TAF4: variants seen among roughly 807,000 people sequenced by gnomAD.
TAF4 encodes the protein transcription initiation factor TFIID subunit 4.
Under a neutral mutation model 90.3 loss-of-function variants are expected in TAF4, and 9 were observed. The ratio of observed to expected loss-of-function variants is 0.10; its 90% CI spans 0.06 to 0.17. The LOEUF (loss-of-function observed/expected upper bound fraction) is 0.17. Among genes scored for constraint, TAF4 ranks in the 10% least tolerant of loss-of-function variants. The pLI is 1.00. For synonymous variants in TAF4, 818 were observed against 638.9 expected (o/e 1.28, Z -4.23); for missense variants, 1,351 against 1,370.7 (o/e 0.99, Z 0.23).
In TAF4 at chr20:62,064,184, C is replaced by A. The variant is rs561733246; in HGVS notation, c.1360+267G>T. On this transcript the variant is annotated intron_variant, in intron 1 of 14. Coordinates refer to ENST00000252996, the MANE Select transcript of TAF4 (RefSeq NM_003185.4). ...ACTAAGAGTCCTGGCTGAGCCACTC[C>A]GAAACAGACCAGCCCCAGGCACAGG... 6.8e-5 allele frequency: 26 copies of A among 381,678 alleles called. No individual in the cohort carries two copies. In the South Asian group the frequency reaches 1.8e-3, roughly 26 times the overall value. 23.6% of individuals were successfully genotyped at this position (381,678 alleles called of 1,614,324 possible). A position where few individuals can be genotyped will look rare whatever the true frequency, so the allele number is the denominator to read the frequency against.
At position 62,059,450 on chromosome 20, in the gene TAF4, T is replaced by C. The variant is rs182309165; in HGVS notation, c.1360+5001A>G. 1.4e-4 allele frequency among the ~76,000 whole-genome samples: 21 copies of C among 152,360 alleles called. No homozygotes were observed. The East Asian group carries it at 2.3e-3, about 17-fold the overall frequency. Reference sequence around the variant, plus strand: ...GAACATAACTTGACAGCACTTATTCTACTTCATTATTCCACGCAAGAATTG... The same window carrying C: ...GAACATAACTTGACAGCACTTATTCCACTTCATTATTCCACGCAAGAATTG... On this transcript the variant is annotated intron_variant, in intron 1 of 14. Coordinates refer to ENST00000252996, the MANE Select transcript of TAF4 (RefSeq NM_003185.4).
At chr20:62,059,364 CAA>C (rs1237087782) in intron 1 of TAF4, among the ~76,000 whole-genome samples, 1 of 152,218 alleles carries the variant, frequency 6.6e-6, no homozygotes, top group African/African-American at 2.4e-5. Context: ...ATGTAAAAAT[CAA>C]AAGTTTTCAC....
intron 1 of TAF4, among the ~76,000 whole-genome samples, chr20:62,028,006 T>G (rs2055883967): frequency 6.6e-6 from 1 of 152,200 alleles, no homozygotes; most frequent in African/African-American, 2.4e-5. Flanking sequence ...TTTTCCAGGT[T>G]GTAAAAGCAG....
At chr20:61,991,659 T>C (rs926314022) in intron 14 of TAF4, among the ~76,000 whole-genome samples, 1 of 151,042 alleles carries the variant, frequency 6.6e-6, no homozygotes, top group African/African-American at 2.4e-5. Flanking sequence ...CTGTAAAAAG[T>C]GCTCCAGCAG....
At position 62,006,725 on chromosome 20, in the gene TAF4, CG is replaced by C; in HGVS notation, c.2007del (p.Asp670ThrfsTer29). The C allele has an allele frequency of 1.3e-6, 2 of 1,551,876 alleles. No homozygotes were observed. The highest frequency in any genetic ancestry group is 1.8e-6 in the Non-Finnish European group (2 of 1,142,192). On this transcript the variant is annotated frameshift_variant, in exon 7 of 15. Coordinates refer to ENST00000252996, the MANE Select transcript of TAF4 (RefSeq NM_003185.4). LOFTEE classifies it high-confidence loss of function. This position sits in a 1 kb window ranked among gnomAD's most constrained non-coding sequence, Gnocchi z 7.0. Reference protein sequence around the residue: ...RSLPALRQLTPDSAAFIQQSQ... With the variant: ...RSLPALRQLTXDSAAFIQQSQ... ...CTCTGCTGGATGAAGGCCGCGGAGT[CG>C]GGGGTCAGCTGTCTCAAGGCGGGTA... is the stretch of plus-strand genomic sequence containing the variant.
chr20:61,977,525 C>G (rs550608005), intron 14 of TAF4, among the ~76,000 whole-genome samples: 19 of 152,290 alleles, frequency 1.2e-4, no homozygotes, highest in African/African-American at 4.6e-4. Flanking sequence ...CTTCCCCGTT[C>G]TGCCACTTTC....
chr20:61,990,709 G>A (rs1019008866), intron 14 of TAF4, among the ~76,000 whole-genome samples: 7 of 152,206 alleles, frequency 4.6e-5, no homozygotes, highest in Non-Finnish European at 7.3e-5. Flanking sequence ...ACGCAGGAGA[G>A]AACCTGCTGG....
chr20:62,002,217 G>A (rs2055710226), intron 9 of TAF4, among the ~76,000 whole-genome samples: 1 of 152,212 alleles, frequency 6.6e-6, no homozygotes, highest in Non-Finnish European at 1.5e-5. Flanking sequence ...GCTGGGCCCA[G>A]GCATGCTGGC....
At chr20:62,019,915 G>A (rs552405903) in intron 1 of TAF4, among the ~76,000 whole-genome samples, 30 of 152,320 alleles carry the variant, frequency 2.0e-4, no homozygotes, top group African/African-American at 6.7e-4. Flanking sequence ...TGCCTTTGCC[G>A]GGTGCCGCAG....
chr20:62,065,143 G>A lies in TAF4; in HGVS notation c.668C>T (p.Ala223Val), dbSNP rs2056119660. The change falls in exon 1 of 15, where the codon GCC becomes GTC. Residue 223 changes from alanine to valine, a missense_variant. Physicochemically the swap from Ala to Val is moderately conservative, Grantham distance 64. Transcript: ENST00000252996. The stretch of plus-strand genomic sequence containing the variant: ...GGGCTTGGGCAGCGGCAGCAGCGCG[G>A]CGGGCCCGTTGTTGACCAGGCTGAC... ...PAVSLVNNGP[A>V]ALLPLPKPAA... 10 of 1,192,240 alleles carry A rather than the reference G, an allele frequency of 8.4e-6. No homozygotes were observed. Among genetic ancestry groups the A allele is most frequent in the Non-Finnish European group, 9.6e-6 (9 of 938,610 alleles). 73.9% of individuals were successfully genotyped at this position (1,192,240 alleles called of 1,614,324 possible).
Position 61,975,250 on chromosome 20 carries a change from A to G in TAF4, c.*918T>C, listed in dbSNP as rs1170537847. On this transcript the variant is annotated 3_prime_UTR_variant, in exon 15 of 15. Transcript: ENST00000252996. The stretch of plus-strand genomic sequence containing the variant: ...TACAGTCTCTTAGCAAAATAATTAT[A>G]GTTTACATAGCCATTTCTATGTCAT... The G allele has an allele frequency of 6.6e-6, 1 of 152,468 alleles. No homozygotes were observed. Among genetic ancestry groups the G allele is most frequent in the Non-Finnish European group, 1.5e-5 (1 of 68,032 alleles). 9.4% of individuals were successfully genotyped at this position (152,468 alleles called of 1,614,324 possible). A position where few individuals can be genotyped will look rare whatever the true frequency, so the allele number is the denominator to read the frequency against.
intron 8 of TAF4, 75 bp downstream of exon 8, chr20:62,003,656 A>C: frequency 2.0e-6 from 3 of 1,466,456 alleles, no homozygotes; most frequent in Non-Finnish European, 2.7e-6. Context: ...TACCCAATTA[A>C]ATAAAAGCCC....
intron 1 of TAF4, among the ~76,000 whole-genome samples, chr20:62,063,099 G>T (rs1288190411): frequency 6.6e-6 from 1 of 152,138 alleles, no homozygotes; most frequent in Non-Finnish European, 1.5e-5. Context: ...CCAAAAGCTT[G>T]TCGTAAAGGG....
intron 1 of TAF4, among the ~76,000 whole-genome samples, chr20:62,024,478 A>G (rs1323088102): frequency 6.6e-6 from 1 of 152,262 alleles, no homozygotes; most frequent in Non-Finnish European, 1.5e-5. Flanking sequence ...CTAGAGAATG[A>G]GAAGACAAGG....
intron 11 of TAF4, 108 bp from the exon 12 acceptor site, chr20:61,999,216 A>G (rs2055682692): frequency 4.2e-6 from 6 of 1,430,356 alleles, no homozygotes; most frequent in Admixed American, 3.8e-5. Context: ...CCCTCCGTCC[A>G]GTCTGAATGC....
rs60437230 is a variant in TAF4 at position 62,004,328 on chromosome 20, C to CTTTTTTTTTTTTTTTTTTTTTT, written c.2224-451_2224-450insAAAAAAAAAAAAAAAAAAAAAA. On this transcript the variant is annotated intron_variant, in intron 7 of 14. Transcript: ENST00000252996. The stretch of plus-strand genomic sequence containing the variant: ...TGAATTTTCTTTTTTCTTTTCTTTT[C>CTTTTTTTTTTTTTTTTTTTTTT]TTTTTTTTTTTTTTTTTGAGACAAG... 4.7e-4 allele frequency among the ~76,000 whole-genome samples: 55 copies of CTTTTTTTTTTTTTTTTTTTTTT among 117,182 alleles called. 1 individual carries two copies. Among genetic ancestry groups the CTTTTTTTTTTTTTTTTTTTTTT allele is most frequent in the Non-Finnish European group, 6.0e-4 (35 of 58,436 alleles). 76.9% of individuals were successfully genotyped at this position (117,182 alleles called of 152,430 possible). A position where few individuals can be genotyped will look rare whatever the true frequency, so the allele number is the denominator to read the frequency against.
At chr20:62,001,082 A>G (rs1026586124) in intron 9 of TAF4, among the ~76,000 whole-genome samples, 1 of 152,234 alleles carries the variant, frequency 6.6e-6, no homozygotes, top group African/African-American at 2.4e-5. Context: ...AATTCTTTTT[A>G]AAGGCTCAGA....
chr20:62,032,003 T>TC lies in TAF4; in HGVS notation c.1361-17297dup, dbSNP rs561011465. ...GAAACAACCCTCCTTTCCTCAGAGCTCCCCCGCAGCACTGTCCTTCTGCGA... is the reference window on the plus strand; with the variant it reads ...GAAACAACCCTCCTTTCCTCAGAGCTCCCCCCGCAGCACTGTCCTTCTGCGA... On this transcript the variant is annotated intron_variant, in intron 1 of 14. Transcript: ENST00000252996. Among the ~76,000 whole-genome samples the TC allele has an allele frequency of 1.6e-3, 237 of 151,944 alleles. 1 individual carries two copies. The highest frequency in any genetic ancestry group is 5.5e-3 in the African/African-American group (229 of 41,402).
chr20:62,052,888 G>A lies in TAF4; in HGVS notation c.1360+11563C>T, dbSNP rs899944271. ...ATCCCCCACACCCCAGGTCCCTCAC[G>A]CTGCCACTCGTACCATCAGGTCCCT... On this transcript the variant is annotated intron_variant, in intron 1 of 14. Coordinates refer to ENST00000252996, the MANE Select transcript of TAF4 (RefSeq NM_003185.4). 4.9e-5 allele frequency among the ~76,000 whole-genome samples: 7 copies of A among 142,430 alleles called. No individual in the cohort carries two copies. The South Asian group carries it at 6.9e-4, about 14-fold the overall frequency. The allele number at this position is 142,430 out of a possible 152,430, so 93.4% of individuals were successfully genotyped here.
Sources: gnomAD v4.1 joint callset for allele counts (sites outside exome capture counted in the v4.1 genomes callset) on GRCh38, gnomAD v4.1.1 for gene constraint, Gnocchi (gnomAD v3.1) non-coding constraint, MANE v1.5 for transcripts, NCBI Gene and HGNC (gene_info 2026-07-23, HGNC 2026-07-21) for gene names.